SGPP2: variants seen among roughly 807,000 people sequenced by gnomAD.
SGPP2 encodes sphingosine 1-phosphate phosphohydrolase 2.
SGPP2 carries 30 observed loss-of-function variants against 33.9 expected under a neutral mutation model. That is an observed-to-expected ratio of 0.89 (90% CI 0.66 to 1.20). SGPP2 has a LOEUF of 1.20. Ranked by LOEUF, SGPP2 falls within the 50% of genes most tolerant of loss-of-function variation. SGPP2 has a pLI of 0.00. For synonymous variants in SGPP2, 233 were observed against 225.0 expected, an observed-to-expected ratio of 1.04 and a Z score of -0.32; for missense variants, 458 against 532.1, an observed-to-expected ratio of 0.86 and a Z score of 1.37.
chr2:222,526,069 T>C (rs984260200), intron 4 of SGPP2, among the ~76,000 whole-genome samples: 6 of 152,208 alleles, frequency 3.9e-5, no homozygotes, highest in African/African-American at 1.4e-4. Flanking sequence ...AAGGTGCTGA[T>C]AGCAATTGAC....
chr2:222,500,266 G>A (rs1698346997), intron 2 of SGPP2, among the ~76,000 whole-genome samples: 1 of 152,166 alleles, frequency 6.6e-6, no homozygotes, highest in South Asian at 2.1e-4. Flanking sequence ...GTGAGTGGGG[G>A]CTGGAAGCAC....
chr2:222,441,861 G>A (rs2106067418), intron 1 of SGPP2, among the ~76,000 whole-genome samples: 1 of 152,218 alleles, frequency 6.6e-6, no homozygotes, highest in South Asian at 2.1e-4. Context: ...AATATCAACT[G>A]TATTGATTAG....
intron 2 of SGPP2, among the ~76,000 whole-genome samples, chr2:222,520,323 C>T (rs1698664141): frequency 6.6e-6 from 1 of 151,754 alleles, no homozygotes; most frequent in East Asian, 1.9e-4. Context: ...GCTGGTATGT[C>T]TTCTTTTGAG....
chr2:222,524,942 A>G lies in SGPP2; in HGVS notation c.559-2A>G. The G allele has an allele frequency of 6.2e-7, 1 of 1,613,222 alleles. No individual in the cohort carries two copies. Among genetic ancestry groups the G allele is most frequent in the Non-Finnish European group, 8.5e-7 (1 of 1,179,420 alleles). On this transcript the variant is annotated splice_acceptor_variant, in intron 3 of 4. Coordinates refer to ENST00000321276, the MANE Select transcript of SGPP2 (RefSeq NM_152386.4). LOFTEE classifies it high-confidence loss of function. ...CCCTTGTTTTTTCTCCTTCCCCCACAGTATCCATTTGTGTTGGGACTGGTG... is the reference window on the plus strand; with the variant it reads ...CCCTTGTTTTTTCTCCTTCCCCCACGGTATCCATTTGTGTTGGGACTGGTG...
chr2:222,520,762 CT>C (rs1170993191), intron 2 of SGPP2, among the ~76,000 whole-genome samples: 7 of 149,856 alleles, frequency 4.7e-5, no homozygotes, highest in East Asian at 3.9e-4. Context: ...ATATCGAGCC[CT>C]TTTTTTTTGA....
chr2:222,472,238 T>A (rs1697855792), intron 1 of SGPP2, among the ~76,000 whole-genome samples: 1 of 152,196 alleles, frequency 6.6e-6, no homozygotes, highest in South Asian at 2.1e-4. Context: ...AAAATGCAAA[T>A]TTGTAATCTC....
intron 1 of SGPP2, among the ~76,000 whole-genome samples, chr2:222,473,635 T>A (rs1424104800): frequency 6.6e-6 from 1 of 152,106 alleles, no homozygotes; most frequent in Non-Finnish European, 1.5e-5. Context: ...AAGAATATGT[T>A]ATTGTCAGGC....
At chr2:222,532,283 AAAAAAAGAAAAG>A (rs1368939730) in intron 4 of SGPP2, among the ~76,000 whole-genome samples, 2 of 152,140 alleles carry the variant, frequency 1.3e-5, no homozygotes, top group Non-Finnish European at 1.5e-5. Context: ...TCAAAAAAGA[AAAAAAAGAAAAG>A]AAAAAAGAAA....
intron 2 of SGPP2, among the ~76,000 whole-genome samples, chr2:222,509,547 T>A (rs539495994): frequency 2.4e-4 from 37 of 152,328 alleles, no homozygotes; most frequent in African/African-American, 8.7e-4. Flanking sequence ...CTCTGGTATG[T>A]ACTCACTTCA....
intron 1 of SGPP2, chr2:222,452,973 T>C (rs1291237148): frequency 6.3e-7 from 1 of 1,585,304 alleles, no homozygotes; most frequent in Non-Finnish European, 8.7e-7. Flanking sequence ...AAATCTATCA[T>C]TGAGTACACA....
intron 2 of SGPP2, among the ~76,000 whole-genome samples, chr2:222,507,287 G>A (rs528273333): frequency 5.9e-4 from 90 of 152,228 alleles, no homozygotes; most frequent in African/African-American, 2.2e-3. Context: ...AGAAGAAAGA[G>A]TCTTTGGTTA....
intron 2 of SGPP2, among the ~76,000 whole-genome samples, chr2:222,510,775 C>T (rs967979434): frequency 1.3e-5 from 2 of 151,984 alleles, no homozygotes; most frequent in South Asian, 4.2e-4. Flanking sequence ...GGGGCAGCTC[C>T]GTAGTGTATA....
chr2:222,501,149 T>A (rs926968064), intron 2 of SGPP2, among the ~76,000 whole-genome samples: 3 of 152,248 alleles, frequency 2.0e-5, no homozygotes, highest in Admixed American at 6.5e-5. Flanking sequence ...ACAAGTGTGT[T>A]AGGGCTTGAG....
At chr2:222,495,450 G>A (rs139197126) in intron 2 of SGPP2, among the ~76,000 whole-genome samples, 30 of 152,134 alleles carry the variant, frequency 2.0e-4, no homozygotes, top group Non-Finnish European at 4.1e-4. Flanking sequence ...TATCTGCACC[G>A]AAGTCCTTTT....
chr2:222,528,448 T>C (rs898221099), intron 4 of SGPP2, among the ~76,000 whole-genome samples: 1 of 152,058 alleles, frequency 6.6e-6, no homozygotes, highest in Non-Finnish European at 1.5e-5. Context: ...AAAAGCAATG[T>C]ACATATAATA....
At chr2:222,433,420 T>C (rs1463503326) in intron 1 of SGPP2, among the ~76,000 whole-genome samples, 6 of 152,214 alleles carry the variant, frequency 3.9e-5, no homozygotes, top group Admixed American at 6.5e-5. Flanking sequence ...TAGGTCGTTA[T>C]TTCTCTCACT....
intron 4 of SGPP2, among the ~76,000 whole-genome samples, chr2:222,544,201 G>A (rs752255493): frequency 7.9e-5 from 12 of 152,302 alleles, no homozygotes; most frequent in South Asian, 2.1e-4. Context: ...GACCAAGGTC[G>A]TGTAGCTGTT....
At chr2:222,494,532 T>G (rs1698246796) in intron 2 of SGPP2, among the ~76,000 whole-genome samples, 2 of 152,212 alleles carry the variant, frequency 1.3e-5, no homozygotes, top group Non-Finnish European at 2.9e-5. Context: ...CTGCCCAACT[T>G]GCACTTGTGT....
Position 222,424,635 on chromosome 2 carries a change from C to T in SGPP2, c.33C>T (p.Ser11=). 7.0e-7 allele frequency: 1 copy of T among 1,422,180 alleles called. No individual in the cohort carries two copies. The highest frequency in any genetic ancestry group is 9.2e-7 in the Non-Finnish European group (1 of 1,085,586). 88.1% of individuals were successfully genotyped at this position (1,422,180 alleles called of 1,614,324 possible). ...AGCTGCTGCGGAGCCTGCAGGATTC[C>T]CAGCTCGTCGCCCGCTTCCAGCGCC... is the stretch of plus-strand genomic sequence containing the variant. MAELLRSLQD[S]QLVARFQRRC... Residue 11 remains serine (S), a synonymous_variant, in exon 1 of 5, where the codon TCC becomes TCT. Coordinates refer to ENST00000321276, the MANE Select transcript of SGPP2 (RefSeq NM_152386.4).
Sources: gnomAD v4.1 joint callset for allele counts (sites outside exome capture counted in the v4.1 genomes callset) on GRCh38, gnomAD v4.1.1 for gene constraint, MANE v1.5 for transcripts, NCBI Gene and HGNC (gene_info 2026-07-23, HGNC 2026-07-21) for gene names.